Variants in DOCK8 observed in about 807,000 individuals in gnomAD.
DOCK8 encodes dedicator of cytokinesis protein 8.
A neutral mutation model predicts 245.6 loss-of-function variants in DOCK8; 141 were observed. The ratio of observed to expected loss-of-function variants is 0.57; its 90% CI spans 0.50 to 0.66. DOCK8 has a LOEUF of 0.66. DOCK8 is among the 30% of genes least tolerant of loss of function. The pLI is 0.00. For missense variants in DOCK8, 2,965 were observed against 2,603.4 expected, an observed-to-expected ratio of 1.14 and a Z score of -3.02; for synonymous variants, 1,168 against 970.2, an observed-to-expected ratio of 1.20 and a Z score of -3.79.
chr9:238,259 C>T (rs945514679), intron 1 of DOCK8, among the ~76,000 whole-genome samples: 7 of 152,066 alleles, frequency 4.6e-5, no homozygotes, highest in South Asian at 2.1e-4. Flanking sequence ...TGATTCCCAG[C>T]GAGATGTGGT....
At chr9:330,169 C>T (rs956032767) in intron 9 of DOCK8, among the ~76,000 whole-genome samples, 3 of 151,898 alleles carry the variant, frequency 2.0e-5, no homozygotes, top group Admixed American at 6.6e-5. Context: ...GGATTATTTC[C>T]GCTTAAAAGT....
intron 2 of DOCK8, among the ~76,000 whole-genome samples, chr9:281,230 G>A (rs577124941): frequency 8.1e-4 from 123 of 151,786 alleles, no homozygotes; most frequent in African/African-American, 2.6e-3. Context: ...GTCCAGCAAC[G>A]GAGTGAGACT....
At chr9:364,216 G>A (rs1469957168) in intron 14 of DOCK8, among the ~76,000 whole-genome samples, 1 of 152,160 alleles carries the variant, frequency 6.6e-6, no homozygotes, top group Non-Finnish European at 1.5e-5. Context: ...TTCAGAATAT[G>A]CAATACCATG....
At position 382,552 on chromosome 9, in the gene DOCK8, C is replaced by T. The variant is rs1399748395; in HGVS notation, c.2645C>T (p.Thr882Met). 17 of 1,613,952 alleles carry T rather than the reference C, an allele frequency of 1.1e-5. No homozygotes were observed. The highest frequency in any genetic ancestry group is 1.2e-5 in the Non-Finnish European group (14 of 1,179,956). ...CTCCTAGACCCTCGGAGCTACCACA[C>T]GTATGGCCGCACATCAGCTGCTGCT... Reference protein sequence around the residue: ...TALLDPRSYHTYGRTSAAAVS... With the variant: ...TALLDPRSYHMYGRTSAAAVS... The change falls in exon 22 of 48, where the codon ACG becomes ATG. Residue 882 changes from threonine to methionine, a missense_variant. By Grantham distance (81) the Thr-to-Met change is moderately conservative. Around this residue, in one of 3 missense-constraint regions of DOCK8, gnomAD observed 2,825 missense variants for 2,453.5 expected, o/e 1.15. Coordinates refer to ENST00000432829, the MANE Select transcript of DOCK8 (RefSeq NM_203447.4).
chr9:394,426 G>A (rs1330711917), intron 24 of DOCK8, among the ~76,000 whole-genome samples: 1 of 152,190 alleles, frequency 6.6e-6, no homozygotes, highest in East Asian at 1.9e-4. Context: ...AACCAAAACA[G>A]TTTTGTTTTG....
At chr9:266,185 A>G (rs1051030461) in intron 1 of DOCK8, among the ~76,000 whole-genome samples, 1 of 152,192 alleles carries the variant, frequency 6.6e-6, no homozygotes, top group South Asian at 2.1e-4. Flanking sequence ...ATTCCTAGGC[A>G]GAATTAGTAA....
intron 37 of DOCK8, among the ~76,000 whole-genome samples, chr9:433,262 G>C (rs1241303360): frequency 6.6e-6 from 1 of 152,176 alleles, no homozygotes; most frequent in Non-Finnish European, 1.5e-5. Flanking sequence ...GACTCTAGTG[G>C]TAGAAATTTT....
At chr9:432,046 A>G in intron 36 of DOCK8, 120 bp from the exon 37 acceptor site, 2 of 1,022,660 alleles carry the variant, frequency 2.0e-6, no homozygotes, top group Non-Finnish European at 1.5e-6. Context: ...AGAGGAAATA[A>G]TTAAGACGGG....
At chr9:279,730 T>C (rs2048500236) in intron 2 of DOCK8, among the ~76,000 whole-genome samples, 1 of 152,316 alleles carries the variant, frequency 6.6e-6, no homozygotes, top group Admixed American at 6.5e-5. Context: ...TTGTCTGTTG[T>C]GAACAGCCAA....
chr9:287,513 CT>C, intron 3 of DOCK8, among the ~76,000 whole-genome samples: 1 of 152,330 alleles, frequency 6.6e-6, no homozygotes, highest in South Asian at 2.1e-4. Context: ...CCCCTGCCCT[CT>C]TTACTCTGAG....
At chr9:406,856 T>G in intron 27 of DOCK8, 74 bp from the exon 28 acceptor site, 1 of 1,600,702 alleles carries the variant, frequency 6.2e-7, no homozygotes, top group Non-Finnish European at 8.6e-7. Context: ...GGGCGAGGAC[T>G]CAGTAAACAC....
intron 1 of DOCK8, among the ~76,000 whole-genome samples, chr9:239,043 A>G (rs1351123017): frequency 6.6e-6 from 1 of 152,214 alleles, no homozygotes; most frequent in Non-Finnish European, 1.5e-5. Context: ...GAAAGCCCAC[A>G]TGGGGGAACA....
intron 14 of DOCK8, among the ~76,000 whole-genome samples, chr9:349,015 G>A (rs1367663245): frequency 1.3e-5 from 2 of 152,110 alleles, no homozygotes; most frequent in African/African-American, 2.4e-5. Context: ...GCTGCCCTTG[G>A]GCCCTCAGCA....
At chr9:327,127 A>G (rs2050798663) in intron 8 of DOCK8, among the ~76,000 whole-genome samples, 1 of 152,164 alleles carries the variant, frequency 6.6e-6, no homozygotes. Context: ...TAGACCGCTG[A>G]CTAAGCTTCC....
rs184622591 is a variant in DOCK8, at chr9:393,823, C to T, written c.2971-2962C>T. ...TTCTGGCAGGACAGAGTTTCCGTTG[C>T]CCAAAAGGGTTAACTGAAAAGCATT... On this transcript the variant is annotated intron_variant, in intron 24 of 47. Coordinates refer to ENST00000432829, the MANE Select transcript of DOCK8 (RefSeq NM_203447.4). 5.4e-4 allele frequency among the ~76,000 whole-genome samples: 82 copies of T among 152,212 alleles called. No individual in the cohort carries two copies. The South Asian group carries it at 8.5e-3, about 16-fold the overall frequency.
rs751178294 is a variant in DOCK8, at chr9:340,254, A to C, written c.1612A>C (p.Thr538Pro). ...LPVKPFPENR[T>P]RPHKEILEFP... ...CGTGAAACCCTTTCCTGAAAACCGG[A>C]CACGCCCGCACAAAGAGATTTTGGA... is the stretch of plus-strand genomic sequence containing the variant. The change falls in exon 14 of 48, where the codon ACA (threonine) becomes CCA (proline). Residue 538 changes from threonine (T) to proline (P), a missense_variant. Around this residue, in one of 3 missense-constraint regions of DOCK8, gnomAD observed 2,825 missense variants for 2,453.5 expected, o/e 1.15. Coordinates refer to ENST00000432829, the MANE Select transcript of DOCK8 (RefSeq NM_203447.4). 6.2e-7 allele frequency: 1 copy of C among 1,614,126 alleles called. No homozygotes were observed. Among genetic ancestry groups the C allele is most frequent in the Non-Finnish European group, 8.5e-7 (1 of 1,180,022 alleles).
At position 465,060 on chromosome 9, in the gene DOCK8, GT is replaced by G. The variant is rs2057928652; in HGVS notation, c.*845del. ...CTTTTTATAAAGCAATAATATCTCT[GT>G]TTTCATTTCAGAACATTGTGCTGTC... On this transcript the variant is annotated 3_prime_UTR_variant, in exon 48 of 48. Coordinates refer to ENST00000432829, the MANE Select transcript of DOCK8 (RefSeq NM_203447.4). 6.6e-6 allele frequency: 1 copy of G among 152,460 alleles called. No individual in the cohort carries two copies. The highest frequency in any genetic ancestry group is 1.5e-5 in the Non-Finnish European group (1 of 68,012). The allele number at this position is 152,460 out of a possible 1,614,324, so 9.4% of individuals were successfully genotyped here. A position where few individuals can be genotyped will look rare whatever the true frequency, so the allele number is the denominator to read the frequency against.
intron 26 of DOCK8, among the ~76,000 whole-genome samples, chr9:400,880 TCCACCA>T (rs1191716932): frequency 5.4e-5 from 2 of 36,722 alleles, no homozygotes; most frequent in Non-Finnish European, 8.2e-5. Flanking sequence ...CACCACCACC[TCCACCA>T]CCACCACCTC....
intron 4 of DOCK8, among the ~76,000 whole-genome samples, chr9:296,378 AATT>A (rs2049260333): frequency 6.6e-6 from 1 of 152,218 alleles, no homozygotes; most frequent in Admixed American, 6.5e-5. Context: ...ACTCTTAAGA[AATT>A]AAACTTGTTT....
Sources: gnomAD v4.1 joint callset for allele counts (sites outside exome capture counted in the v4.1 genomes callset) on GRCh38, gnomAD v4.1.1 for gene constraint, gnomAD v4.1.1 regional missense constraint, MANE v1.5 for transcripts, NCBI Gene and HGNC (gene_info 2026-07-23, HGNC 2026-07-21) for gene names.